The following ADGRL3 variants were observed in gnomAD, a reference collection of about 807,000 sequenced individuals.
The protein encoded by ADGRL3 is adhesion G protein-coupled receptor L3.
Under a neutral mutation model 153.5 loss-of-function variants are expected in ADGRL3, and 62 were observed. The ratio of observed to expected loss-of-function variants is 0.40; its 90% CI spans 0.33 to 0.50. ADGRL3 has a LOEUF of 0.50. Ranked by LOEUF, ADGRL3 falls within the 20% of genes least tolerant of loss-of-function variation. The probability of loss-of-function intolerance (pLI) is 0.47; values close to 1 mark genes in which losing one functional copy is unlikely to be tolerated. For synonymous variants in ADGRL3, 710 were observed against 672.5 expected (o/e 1.06, Z -0.86); for missense variants, 1,641 against 1,859.4 (o/e 0.88, Z 2.16).
At chr4:61,270,814 T>C (rs1560409004) in intron 1 of ADGRL3, among the ~76,000 whole-genome samples, 1 of 151,688 alleles carries the variant, frequency 6.6e-6, no homozygotes, top group Non-Finnish European at 1.5e-5. Flanking sequence ...AGTTTTTGCA[T>C]TGTCTGTAAT....
chr4:61,511,900 G>T (rs1349802310), intron 3 of ADGRL3, among the ~76,000 whole-genome samples: 1 of 152,098 alleles, frequency 6.6e-6, no homozygotes, highest in African/African-American at 2.4e-5. Context: ...ACTATTGTTA[G>T]AGATTACTAC....
intron 9 of ADGRL3, among the ~76,000 whole-genome samples, chr4:61,867,063 T>G (rs1205960683): frequency 1.3e-5 from 2 of 152,136 alleles, no homozygotes; most frequent in African/African-American, 4.8e-5. Context: ...CAAATCCTGT[T>G]TTTTAGGTAA....
chr4:61,711,585 T>G (rs1403245360), intron 6 of ADGRL3, among the ~76,000 whole-genome samples: 1 of 149,728 alleles, frequency 6.7e-6, no homozygotes, highest in Admixed American at 6.7e-5. Flanking sequence ...AAGAATGATT[T>G]GCAAATTGGA....
chr4:61,593,729 G>T (rs1309205494), intron 5 of ADGRL3, among the ~76,000 whole-genome samples: 1 of 151,998 alleles, frequency 6.6e-6, no homozygotes, highest in Non-Finnish European at 1.5e-5. Context: ...CTGCTTTTAG[G>T]ATCCCTTCTT....
chr4:61,797,733 T>A (rs1444600088), intron 8 of ADGRL3, among the ~76,000 whole-genome samples: 1 of 18,650 alleles, frequency 5.4e-5, no homozygotes, highest in East Asian at 1.7e-3. Context: ...AACAACATAT[T>A]TTCTTTTCTA....
chr4:62,046,246 A>G (rs572830138), intron 25 of ADGRL3, among the ~76,000 whole-genome samples: 2 of 152,054 alleles, frequency 1.3e-5, no homozygotes, highest in South Asian at 4.1e-4. Context: ...GATTTTAATG[A>G]TGAATTGTAT....
intron 8 of ADGRL3, among the ~76,000 whole-genome samples, chr4:61,785,212 T>C (rs1018695274): frequency 2.0e-5 from 3 of 152,300 alleles, no homozygotes; most frequent in East Asian, 3.9e-4. Flanking sequence ...GTATTCATGC[T>C]TCATTCTTCC....
chr4:61,420,150 G>C (rs1056396721), intron 2 of ADGRL3: 9 of 151,908 alleles, frequency 5.9e-5, no homozygotes, highest in Non-Finnish European at 1.2e-4. Flanking sequence ...TAATCTGATT[G>C]GGCATGACAA....
intron 4 of ADGRL3, among the ~76,000 whole-genome samples, chr4:61,582,640 A>C (rs377578820): frequency 6.6e-6 from 1 of 151,112 alleles, no homozygotes; most frequent in African/African-American, 2.5e-5. Context: ...AGAGCAATGC[A>C]TGAAAAAAAA....
intron 6 of ADGRL3, among the ~76,000 whole-genome samples, chr4:61,700,408 C>A (rs1561086510): frequency 6.6e-6 from 1 of 152,038 alleles, no homozygotes; most frequent in African/African-American, 2.4e-5. Context: ...TATTACTTGT[C>A]AGTTTAAAAG....
rs79889244 is a variant in ADGRL3, at chr4:61,585,201, C to A, written c.260-2026C>A. 5.0e-3 allele frequency among the ~76,000 whole-genome samples: 766 copies of A among 151,926 alleles called. 11 individuals carry two copies. The highest frequency in any genetic ancestry group is 0.017 in the African/African-American group (688 of 41,488). ...AGAGAAATAAAATGCTGAACACCAA[C>A]CAGAATGGAATTAACTGTGCAGTGC... On this transcript the variant is annotated intron_variant, in intron 4 of 26. Transcript: ENST00000683033.
At chr4:61,340,020 G>A (rs372154187) in intron 1 of ADGRL3, among the ~76,000 whole-genome samples, 21 of 152,250 alleles carry the variant, frequency 1.4e-4, no homozygotes, top group African/African-American at 4.3e-4. Flanking sequence ...TGGCCCTGGC[G>A]GCTGTGTAAA....
intron 18 of ADGRL3, among the ~76,000 whole-genome samples, chr4:61,981,479 G>T (rs999793891): frequency 1.3e-5 from 2 of 150,880 alleles, no homozygotes; most frequent in Non-Finnish European, 2.9e-5. Context: ...AGCCTTGTAC[G>T]TTATTGCAAC....
rs188275372 is a variant in ADGRL3 at position 61,302,978 on chromosome 4, G to A, written c.-239-80146G>A. ...ATCGGGCTTGGCTTCAAATATATTA[G>A]GACTTTCCAAAAAAATGAAATCCAT... is the stretch of plus-strand genomic sequence containing the variant. On this transcript the variant is annotated intron_variant, in intron 1 of 26. Transcript: ENST00000683033. 1.4e-4 allele frequency among the ~76,000 whole-genome samples: 22 copies of A among 152,052 alleles called. No homozygotes were observed. In the East Asian group the frequency reaches 4.3e-3, roughly 29 times the overall value.
chr4:61,870,627 A>T (rs1369551799), intron 9 of ADGRL3, among the ~76,000 whole-genome samples: 1 of 152,166 alleles, frequency 6.6e-6, no homozygotes, highest in East Asian at 1.9e-4. Flanking sequence ...ATACCAGATT[A>T]AAAAGTGAGC....
intron 4 of ADGRL3, among the ~76,000 whole-genome samples, chr4:61,570,181 T>A (rs958546978): frequency 3.9e-5 from 6 of 152,134 alleles, no homozygotes; most frequent in African/African-American, 1.4e-4. Context: ...GCTTTTTGTA[T>A]TGCCTTAAAA....
chr4:61,599,428 T>G (rs2099001832), intron 5 of ADGRL3, among the ~76,000 whole-genome samples: 1 of 152,126 alleles, frequency 6.6e-6, no homozygotes, highest in Admixed American at 6.5e-5. Flanking sequence ...CACCTCCTGG[T>G]TACAAGAGAT....
intron 1 of ADGRL3, among the ~76,000 whole-genome samples, chr4:61,340,898 A>G (rs1225031693): frequency 1.3e-5 from 2 of 151,738 alleles, no homozygotes. Context: ...ATGTTTTTCC[A>G]TTCATCATTC....
At chr4:61,476,785 AGACTG>A (rs1252527576) in intron 2 of ADGRL3, among the ~76,000 whole-genome samples, 1 of 149,580 alleles carries the variant, frequency 6.7e-6, no homozygotes, top group Non-Finnish European at 1.5e-5. Flanking sequence ...CATGTTAGCC[AGACTG>A]GTCTGGAACC....
Sources: allele counts gnomAD v4.1 joint callset (sites outside exome capture counted in the v4.1 genomes callset), GRCh38; gene constraint gnomAD v4.1.1; transcripts MANE v1.5; gene names NCBI Gene and HGNC (gene_info 2026-07-23, HGNC 2026-07-21).